Variants in SSPN observed in about 807,000 individuals in gnomAD.
SSPN encodes the protein sarcospan.
In SSPN, 15 loss-of-function variants were observed where a neutral mutation model predicts 19.1. The observed-to-expected ratio is 0.78, with a 90% confidence interval of 0.52 to 1.21. SSPN has a LOEUF of 1.21. Ranked by LOEUF, SSPN falls within the 50% of genes most tolerant of loss-of-function variation. The pLI is 0.00. For synonymous variants in SSPN, 147 were observed against 140.3 expected (o/e 1.05, Z -0.34); for missense variants, 291 against 314.0 (o/e 0.93, Z 0.55).
chr12:26,210,927 T>G (rs1034193620), intron 1 of SSPN, among the ~76,000 whole-genome samples: 1 of 152,180 alleles, frequency 6.6e-6, no homozygotes, highest in Non-Finnish European at 1.5e-5. Flanking sequence ...AGTAATATTT[T>G]TTACTTTATT....
intron 1 of SSPN, among the ~76,000 whole-genome samples, chr12:26,171,240 ATG>A (rs1204164764): frequency 2.6e-5 from 4 of 152,168 alleles, no homozygotes; most frequent in Non-Finnish European, 5.9e-5. Context: ...ATATAAATAA[ATG>A]TGTGTGTGTA....
chr12:26,128,321 A>G (rs1039231488), intron 1 of SSPN, among the ~76,000 whole-genome samples: 2 of 152,234 alleles, frequency 1.3e-5, no homozygotes, highest in African/African-American at 4.8e-5. Flanking sequence ...AGAGATAAGA[A>G]AAGCTATGGC....
In SSPN at chr12:26,141,049, T is replaced by G. The variant is rs1381546861; in HGVS notation, c.-31+18897T>G. Among the ~76,000 whole-genome samples, 3 of 152,220 alleles carry G rather than the reference T, an allele frequency of 2.0e-5. No individual in the cohort carries two copies. The East Asian group carries it at 5.8e-4, about 29-fold the overall frequency. ...AATAATGGGCCTCCATAAATGTCCA[T>G]GTCCTAATCCCTGGAACCTGTGAAT... On this transcript the variant is annotated intron_variant, in intron 1 of 2. Transcript: ENST00000538142.
At chr12:26,142,080 A>C (rs974745984) in intron 1 of SSPN, among the ~76,000 whole-genome samples, 1 of 152,194 alleles carries the variant, frequency 6.6e-6, no homozygotes, top group Non-Finnish European at 1.5e-5. Flanking sequence ...AAGAGAATAC[A>C]CAGGTATTAA....
At chr12:26,163,574 G>A (rs1022704753) in intron 1 of SSPN, among the ~76,000 whole-genome samples, 1 of 152,192 alleles carries the variant, frequency 6.6e-6, no homozygotes, top group East Asian at 1.9e-4. Flanking sequence ...AGGCAAGTGA[G>A]AACAGAAGAG....
At chr12:26,187,291 T>G (rs1247626498) in intron 1 of SSPN, among the ~76,000 whole-genome samples, 1 of 152,232 alleles carries the variant, frequency 6.6e-6, no homozygotes, top group East Asian at 1.9e-4. Context: ...GAGGGATCTT[T>G]CCACAATATA....
intron 1 of SSPN, among the ~76,000 whole-genome samples, chr12:26,203,992 T>C (rs1944908478): frequency 6.6e-6 from 1 of 152,216 alleles, no homozygotes; most frequent in African/African-American, 2.4e-5. Flanking sequence ...TTAACCTTAA[T>C]TACCTCCTAA....
chr12:26,124,829 A>G (rs1944349159), intron 1 of SSPN: 2 of 1,586,904 alleles, frequency 1.3e-6, no homozygotes, highest in Non-Finnish European at 1.7e-6. Context: ...GCTCTGTACA[A>G]TAATCTGTGG....
At chr12:26,191,109 A>C (rs1322767625), upstream of SSPN, among the ~76,000 whole-genome samples, 1 of 152,192 alleles carries the variant, frequency 6.6e-6, no homozygotes, top group Non-Finnish European at 1.5e-5. Context: ...TCTTATTAGC[A>C]AGTGGTATTC....
At chr12:26,208,019 G>GGC (rs1491379856) in intron 1 of SSPN, among the ~76,000 whole-genome samples, 6 of 31,772 alleles carry the variant, frequency 1.9e-4, no homozygotes, top group Non-Finnish European at 4.0e-4. Flanking sequence ...TGGTGGTGGT[G>GGC]GGGGGGGGGG....
At chr12:26,214,444 A>C (rs537074418) in intron 1 of SSPN, among the ~76,000 whole-genome samples, 15 of 152,330 alleles carry the variant, frequency 9.8e-5, no homozygotes, top group Admixed American at 9.2e-4. Flanking sequence ...GATATACAGT[A>C]TATTTGCTAT....
At position 26,232,804 on chromosome 12, in the gene SSPN, C is replaced by A; in HGVS notation, c.*1728C>A. 1 of 781,008 alleles carries A rather than the reference C, an allele frequency of 1.3e-6. No individual in the cohort carries two copies. Among genetic ancestry groups the A allele is most frequent in the Non-Finnish European group, 1.6e-6 (1 of 643,178 alleles). 48.4% of individuals were successfully genotyped at this position (781,008 alleles called of 1,614,324 possible). The stretch of plus-strand genomic sequence containing the variant: ...TAAAAATGGCCTTCCTACACATTAG[C>A]TCCAGCTAAAAAGACACATTGGAGA... On this transcript the variant is annotated 3_prime_UTR_variant, in exon 3 of 3. Transcript: ENST00000242729.
At chr12:26,138,656 A>T (rs35687239) in intron 1 of SSPN, among the ~76,000 whole-genome samples, 23,090 of 152,088 alleles carry the variant, frequency 0.15, 4,057 homozygotes, top group African/African-American at 0.43. Flanking sequence ...CACATTGCAC[A>T]AGGAAAGTCT....
chr12:26,180,761 T>G (rs1436909474), intron 1 of SSPN: 1 of 152,212 alleles, frequency 6.6e-6, no homozygotes, highest in Admixed American at 6.5e-5. Context: ...TCATCTTCTG[T>G]AGACTCATAC....
At chr12:26,151,385 A>G (rs1057114419) in intron 1 of SSPN, among the ~76,000 whole-genome samples, 3 of 152,168 alleles carry the variant, frequency 2.0e-5, no homozygotes, top group Non-Finnish European at 2.9e-5. Context: ...CAACCATAAA[A>G]AAAAAATCAC....
chr12:26,134,308 G>C (rs115770065), intron 1 of SSPN, among the ~76,000 whole-genome samples: 2,397 of 152,192 alleles, frequency 0.016, 40 homozygotes, highest in African/African-American at 0.042. Flanking sequence ...TCAACCTTCG[G>C]GTGTCATCTG....
intron 1 of SSPN, chr12:26,125,920 G>C (rs140698519): frequency 6.6e-6 from 1 of 152,400 alleles, no homozygotes; most frequent in Non-Finnish European, 1.5e-5. Context: ...GTGACGCTAC[G>C]TGCTTTCCCC....
At chr12:26,162,976 G>C (rs970001811) in intron 1 of SSPN, among the ~76,000 whole-genome samples, 5 of 151,248 alleles carry the variant, frequency 3.3e-5, no homozygotes, top group Non-Finnish European at 5.9e-5. Context: ...GAAGTTAGGA[G>C]AAGAGGATTA....
At chr12:26,225,013 G>A (rs1565694350) in intron 2 of SSPN, among the ~76,000 whole-genome samples, 1 of 152,166 alleles carries the variant, frequency 6.6e-6, no homozygotes, top group Admixed American at 6.5e-5. Flanking sequence ...ACCTTTCAGA[G>A]TATAAGGACA....
Sources: gnomAD v4.1 joint callset for allele counts (sites outside exome capture counted in the v4.1 genomes callset) on GRCh38, gnomAD v4.1.1 for gene constraint, MANE v1.5 for transcripts, NCBI Gene and HGNC (gene_info 2026-07-23, HGNC 2026-07-21) for gene names.